Variants in NNT observed in about 807,000 individuals in gnomAD.
NNT encodes the protein NAD(P) transhydrogenase, mitochondrial.
A neutral mutation model predicts 104.8 loss-of-function variants in NNT; 50 were observed. That is an observed-to-expected ratio of 0.48 (90% confidence interval 0.38 to 0.60). NNT has a LOEUF of 0.60. NNT is among the 20% of genes least tolerant of loss of function. NNT has a pLI of 0.00. For synonymous variants in NNT, 461 were observed against 490.4 expected (o/e 0.94, Z 0.79); for missense variants, 1,131 against 1,330.7 (o/e 0.85, Z 2.33).
intron 19 of NNT, among the ~76,000 whole-genome samples, chr5:43,699,759 T>C (rs1304556369): frequency 1.3e-5 from 2 of 152,172 alleles, no homozygotes; most frequent in East Asian, 1.9e-4. Flanking sequence ...GCTAGGTAAA[T>C]AGGTTTTTAA....
chr5:43,687,120 T>A (rs1343140499), intron 19 of NNT, among the ~76,000 whole-genome samples: 1 of 152,138 alleles, frequency 6.6e-6, no homozygotes, highest in Non-Finnish European at 1.5e-5. Context: ...CATGGTTTGT[T>A]CCTATTCTCA....
intron 19 of NNT, among the ~76,000 whole-genome samples, chr5:43,699,554 A>G (rs889332880): frequency 2.0e-5 from 3 of 152,068 alleles, no homozygotes; most frequent in Non-Finnish European, 4.4e-5. Context: ...GGGTTTCGCT[A>G]TGTTGGCTAG....
At chr5:43,703,615 G>C (rs1351832958) in intron 21 of NNT, among the ~76,000 whole-genome samples, 3 of 152,094 alleles carry the variant, frequency 2.0e-5, no homozygotes, top group Admixed American at 6.6e-5. Flanking sequence ...ATTTCATTAA[G>C]AAATGACTTG....
intron 4 of NNT, 63 bp from the exon 5 acceptor site, chr5:43,618,969 A>G: frequency 2.1e-6 from 2 of 942,826 alleles, no homozygotes; most frequent in Middle Eastern, 3.6e-4. Context: ...TTATGATGAT[A>G]TGTGAGTCTG....
At chr5:43,675,996 A>G (rs958698901) in intron 18 of NNT, among the ~76,000 whole-genome samples, 3 of 152,122 alleles carry the variant, frequency 2.0e-5, no homozygotes, top group East Asian at 1.9e-4. Context: ...ATTAAATTAG[A>G]TATAGTATAT....
At chr5:43,694,687 T>A (rs1358741566) in intron 19 of NNT, among the ~76,000 whole-genome samples, 1 of 152,010 alleles carries the variant, frequency 6.6e-6, no homozygotes, top group Non-Finnish European at 1.5e-5. Context: ...TTTGCAGGTA[T>A]TTTGTTGAGG....
At chr5:43,636,498 C>T (rs572025301) in intron 7 of NNT, among the ~76,000 whole-genome samples, 1 of 152,204 alleles carries the variant, frequency 6.6e-6, no homozygotes, top group East Asian at 1.9e-4. Flanking sequence ...CTCATTCTGA[C>T]CTAAGTTGAA....
chr5:43,666,537 C>T (rs1023778631), intron 17 of NNT, among the ~76,000 whole-genome samples: 20 of 146,054 alleles, frequency 1.4e-4, no homozygotes, highest in African/African-American at 3.1e-4. Flanking sequence ...GCCGAGATGG[C>T]GACAGTACAG....
intron 21 of NNT, among the ~76,000 whole-genome samples, chr5:43,703,582 A>C (rs1580142682): frequency 6.6e-6 from 1 of 152,176 alleles, no homozygotes; most frequent in East Asian, 1.9e-4. Flanking sequence ...TACATGTCCT[A>C]GTAGACCATA....
intron 6 of NNT, among the ~76,000 whole-genome samples, chr5:43,624,331 G>A (rs947520406): frequency 1.3e-5 from 2 of 152,184 alleles, no homozygotes; most frequent in African/African-American, 4.8e-5. Flanking sequence ...TTCTTGGGTG[G>A]ATTGACAGTG....
rs139947920 is a variant in NNT at position 43,704,367 on chromosome 5, C to T, written c.3224C>T (p.Ala1075Val). The stretch of plus-strand genomic sequence containing the variant: ...GGTGATGCCAAGAAAACATGTGACG[C>T]GCTCCAGGCGAAAGTTAGAGAATCC... ...LLGDAKKTCD[A>V]LQAKVRESYQ... is the part of the protein sequence containing the mutation. Residue 1075 changes from alanine (A) to valine (V), a missense_variant, in exon 22 of 22, where the codon GCG (alanine) becomes GTG (valine). Transcript: ENST00000344920. 2.1e-4 allele frequency: 343 copies of T among 1,613,618 alleles called. 1 individual carries two copies. The African/African-American group carries it at 3.3e-3, about 16-fold the overall frequency.
At chr5:43,683,749 A>G (rs1316014587) in intron 19 of NNT, among the ~76,000 whole-genome samples, 2 of 152,250 alleles carry the variant, frequency 1.3e-5, no homozygotes, top group African/African-American at 4.8e-5. Context: ...TATAATTTTA[A>G]CTAAATCTCT....
chr5:43,618,415 A>G (rs1934059229), intron 4 of NNT, among the ~76,000 whole-genome samples: 1 of 152,198 alleles, frequency 6.6e-6, no homozygotes, highest in Non-Finnish European at 1.5e-5. Flanking sequence ...TTGAACCATT[A>G]GAGATCAAGG....
intron 19 of NNT, among the ~76,000 whole-genome samples, chr5:43,691,131 G>A (rs769183689): frequency 5.0e-5 from 7 of 141,098 alleles, no homozygotes; most frequent in African/African-American, 1.3e-4. Context: ...ATGGAGTCTC[G>A]CTCTGTCACC....
chr5:43,629,248 C>T (rs556138748), intron 7 of NNT, among the ~76,000 whole-genome samples: 9 of 152,156 alleles, frequency 5.9e-5, no homozygotes, highest in Admixed American at 3.9e-4. Flanking sequence ...TCCTGAGTTA[C>T]TTCACTTAGA....
chr5:43,608,131 A>G (rs1055733874), intron 1 of NNT, among the ~76,000 whole-genome samples: 1 of 152,046 alleles, frequency 6.6e-6, no homozygotes, highest in African/African-American at 2.4e-5. Flanking sequence ...GGGTTTCACC[A>G]TGTTGGTCAG....
chr5:43,678,986 G>T (rs900281200), intron 19 of NNT, among the ~76,000 whole-genome samples: 1 of 152,076 alleles, frequency 6.6e-6, no homozygotes, highest in African/African-American at 2.4e-5. Context: ...ATACTATTTT[G>T]TGGTGGGACC....
intron 4 of NNT, among the ~76,000 whole-genome samples, chr5:43,618,273 C>G (rs1352981305): frequency 6.6e-6 from 1 of 152,136 alleles, no homozygotes; most frequent in East Asian, 1.9e-4. Context: ...AAGATAGATG[C>G]TTTTTGTCCT....
chr5:43,630,653 C>A (rs947469845), intron 7 of NNT, among the ~76,000 whole-genome samples: 2 of 152,180 alleles, frequency 1.3e-5, no homozygotes. Context: ...GATGTCAAAC[C>A]AATAAGTGTT....
Sources: allele counts gnomAD v4.1 joint callset (sites outside exome capture counted in the v4.1 genomes callset), GRCh38; gene constraint gnomAD v4.1.1; transcripts MANE v1.5; gene names NCBI Gene and HGNC (gene_info 2026-07-23, HGNC 2026-07-21).